OLFM1: variants seen among roughly 807,000 people sequenced by gnomAD.
The protein encoded by OLFM1 is olfactomedin 1.
Under a neutral mutation model 49.7 loss-of-function variants are expected in OLFM1, and 9 were observed. The observed-to-expected ratio is 0.18, with a 90% CI of 0.11 to 0.32. OLFM1 has a LOEUF of 0.32. OLFM1 is among the 10% of genes least tolerant of loss of function. The pLI is 1.00. For missense variants in OLFM1, 369 were observed against 661.8 expected (o/e 0.56, Z 4.85); for synonymous variants, 240 against 271.8 (o/e 0.88, Z 1.15).
At chr9:135,076,230 C>T (rs922897158) in intron 1 of OLFM1, 3 of 1,550,504 alleles carry the variant, frequency 1.9e-6, no homozygotes, top group African/African-American at 2.7e-5. Context: ...CTGAGTGGCT[C>T]ATCCTCCCTT....
chr9:135,089,648 G>A (rs568790931), intron 1 of OLFM1, among the ~76,000 whole-genome samples: 1 of 152,216 alleles, frequency 6.6e-6, no homozygotes, highest in Non-Finnish European at 1.5e-5. Flanking sequence ...CTGTAGCTCG[G>A]GGTTCATCAC....
chr9:135,102,592 T>C (rs1830885823), intron 4 of OLFM1, among the ~76,000 whole-genome samples: 1 of 152,176 alleles, frequency 6.6e-6, no homozygotes, highest in Admixed American at 6.5e-5. Flanking sequence ...CCGTGACCCT[T>C]TCCTCAGTGG....
intron 2 of OLFM1, among the ~76,000 whole-genome samples, chr9:135,092,768 T>C (rs1830733776): frequency 1.3e-5 from 2 of 152,170 alleles, no homozygotes; most frequent in Admixed American, 6.5e-5. Context: ...TGCTTAAAAA[T>C]TTAAAGCCCC....
intron 3 of OLFM1, among the ~76,000 whole-genome samples, chr9:135,096,656 C>G (rs773581390): frequency 1.3e-5 from 2 of 152,200 alleles, no homozygotes; most frequent in Admixed American, 6.5e-5. Context: ...GAAGGGACAT[C>G]GTTATTGGCC....
chr9:135,091,858 C>CAT (rs1830717594), intron 2 of OLFM1, among the ~76,000 whole-genome samples: 1 of 138,250 alleles, frequency 7.2e-6, no homozygotes, highest in South Asian at 2.4e-4. Flanking sequence ...CACATAGTCA[C>CAT]ACACACTCAC....
At position 135,114,954 on chromosome 9, in the gene OLFM1, C is replaced by T. The variant is rs147138902; in HGVS notation, c.784-4550C>T. Among the ~76,000 whole-genome samples the T allele has an allele frequency of 2.4e-4, 37 of 152,252 alleles. No homozygotes were observed. In the East Asian group the frequency reaches 6.6e-3, roughly 27 times the overall value. ...ACAGTGTGGACCCCGGAGCTGATGT[C>T]ATCCAAGCCCCCCACCCACCCCTGC... On this transcript the variant is annotated intron_variant, in intron 5 of 5. Transcript: ENST00000371793.
rs1013008119 is a variant in OLFM1 at position 135,091,608 on chromosome 9, G to C, written c.300+1264G>C. ...ACTCACAGTCACACACTCACACATA[G>C]TCACACAGTCACACACACTCACATA... On this transcript the variant is annotated intron_variant, in intron 2 of 5. Coordinates refer to ENST00000371793, the MANE Select transcript of OLFM1 (RefSeq NM_001282611.2). 5.7e-5 allele frequency among the ~76,000 whole-genome samples: 5 copies of C among 87,222 alleles called. No homozygotes were observed. In the South Asian group the frequency reaches 1.1e-3, roughly 19 times the overall value. 57.2% of individuals were successfully genotyped at this position (87,222 alleles called of 152,430 possible). A position where few individuals can be genotyped will look rare whatever the true frequency, so the allele number is the denominator to read the frequency against.
At chr9:135,082,810 C>G (rs867337360), upstream of OLFM1, among the ~76,000 whole-genome samples, 1 of 152,182 alleles carries the variant, frequency 6.6e-6, no homozygotes, top group African/African-American at 2.4e-5. Context: ...GGGGCTGCAG[C>G]AGTCTTGGTG....
At chr9:135,102,477 G>C (rs566552879) in intron 4 of OLFM1, among the ~76,000 whole-genome samples, 83 of 152,368 alleles carry the variant, frequency 5.4e-4, no homozygotes, top group Non-Finnish European at 1.1e-3. Flanking sequence ...CACTGACTGA[G>C]TGGGGCCCGG....
intron 4 of OLFM1, chr9:135,106,542 T>A: frequency 1.8e-6 from 1 of 570,782 alleles, no homozygotes; most frequent in Non-Finnish European, 3.1e-6. Flanking sequence ...ACAGCTGCTC[T>A]GTTTTGGGGA....
rs1830819553 is a variant in OLFM1 at position 135,097,703 on chromosome 9, T to C, written c.457-583T>C. ...ATTTTTCTAACTGACCATGCAAATA[T>C]GTGTTTCCTGATGGCTGTCTGTTTC... On this transcript the variant is annotated intron_variant, in intron 3 of 5. Transcript: ENST00000371793. 22 of 1,165,588 alleles carry C rather than the reference T, an allele frequency of 1.9e-5. 1 individual carries two copies. The South Asian group carries it at 2.6e-4, about 14-fold the overall frequency. The allele number at this position is 1,165,588 out of a possible 1,614,324, so 72.2% of individuals were successfully genotyped here. A position where few individuals can be genotyped will look rare whatever the true frequency, so the allele number is the denominator to read the frequency against.
At chr9:135,118,223 C>T (rs1339834805) in intron 5 of OLFM1, among the ~76,000 whole-genome samples, 3 of 152,198 alleles carry the variant, frequency 2.0e-5, no homozygotes, top group Admixed American at 1.3e-4. Flanking sequence ...TGGAAGTGCT[C>T]ACTGGGTCTT....
chr9:135,091,488 GTCACACACACATTCACACAGTC>G (rs1438153561), intron 2 of OLFM1, among the ~76,000 whole-genome samples: 249 of 136,204 alleles, frequency 1.8e-3, no homozygotes, highest in Middle Eastern at 4.8e-3. Flanking sequence ...TTCACACATA[GTCACACACACATTCACACAGTC>G]TCACACACAC....
rs115778540 is a variant in OLFM1 at position 135,106,920 on chromosome 9, C to T, written c.783+65C>T. On this transcript the variant is annotated intron_variant, in intron 5 of 5. Transcript: ENST00000371793. ...GGGCGCTCTCGGACACCTGGTGGGC[C>T]CCAGACATGGGTACAAGCCACGCCC... 1,100 of 1,311,852 alleles carry T rather than the reference C, an allele frequency of 8.4e-4. 8 individuals are homozygous for T. The African/African-American group carries it at 0.014, about 17-fold the overall frequency. The allele number at this position is 1,311,852 out of a possible 1,614,324, so 81.3% of individuals were successfully genotyped here. A position where few individuals can be genotyped will look rare whatever the true frequency, so the allele number is the denominator to read the frequency against.
chr9:135,078,067 C>A (rs1177568775), intron 1 of OLFM1, among the ~76,000 whole-genome samples: 1 of 152,208 alleles, frequency 6.6e-6, no homozygotes, highest in East Asian at 1.9e-4. Flanking sequence ...TGCTCTGATT[C>A]CAAGAGCTAC....
chr9:135,099,651 A>C (rs1388456486), intron 4 of OLFM1, among the ~76,000 whole-genome samples: 1 of 152,234 alleles, frequency 6.6e-6, no homozygotes, highest in East Asian at 1.9e-4. Flanking sequence ...GTCCCGAAAC[A>C]GAGACAATAA....
At chr9:135,099,200 C>A (rs1053912246) in intron 4 of OLFM1, among the ~76,000 whole-genome samples, 2 of 152,218 alleles carry the variant, frequency 1.3e-5, no homozygotes, top group Admixed American at 1.3e-4. Flanking sequence ...TTTCAAATCC[C>A]AATTCCACTT....
chr9:135,099,313 C>CT (rs1369536402), intron 4 of OLFM1, among the ~76,000 whole-genome samples: 1 of 152,100 alleles, frequency 6.6e-6, no homozygotes. Flanking sequence ...ATACTACCTA[C>CT]TTTTTAGGGT....
chr9:135,098,221 G>A lies in OLFM1; in HGVS notation c.457-65G>A. 6.3e-7 allele frequency: 1 copy of A among 1,578,358 alleles called. No homozygotes were observed. Among genetic ancestry groups the A allele is most frequent in the Non-Finnish European group, 8.7e-7 (1 of 1,155,128 alleles). ...CTTTCCCTCACCTAGGGAGAAGCCA[G>A]GCCAAGGCAGGGTGTGAGAGTTCTT... On this transcript the variant is annotated intron_variant, in intron 3 of 5. Transcript: ENST00000371793. The surrounding 1 kb of genome is among the most constrained non-coding windows in gnomAD (Gnocchi z 5.6).
Sources: gnomAD v4.1 joint callset for allele counts (sites outside exome capture counted in the v4.1 genomes callset) on GRCh38, gnomAD v4.1.1 for gene constraint, Gnocchi (gnomAD v3.1) non-coding constraint, MANE v1.5 for transcripts, NCBI Gene and HGNC (gene_info 2026-07-23, HGNC 2026-07-21) for gene names.